CHD5: variants seen among roughly 807,000 people sequenced by gnomAD.
The protein encoded by CHD5 is ATP-dependent chromatin remodeler CHD5.
A neutral mutation model predicts 230.3 loss-of-function variants in CHD5; 69 were observed. That is an observed-to-expected ratio of 0.30 (90% CI 0.25 to 0.37). The LOEUF is 0.37. Ranked by LOEUF, CHD5 falls within the 10% of genes least tolerant of loss-of-function variation. The pLI, the probability that CHD5 is intolerant of heterozygous loss-of-function variation, is 1.00. For synonymous variants in CHD5, 1,064 were observed against 1,065.9 expected (o/e 1.00, Z 0.03); for missense variants, 1,827 against 2,622.8 (o/e 0.70, Z 6.63).
intron 40 of CHD5, 34 bp downstream of exon 40, chr1:6,106,361 G>C: frequency 6.2e-7 from 1 of 1,610,854 alleles, no homozygotes; most frequent in Non-Finnish European, 8.5e-7. Flanking sequence ...GCGGGCACCC[G>C]TGTGCATGCT....
rs1213748635 is a variant in CHD5, at chr1:6,130,709, C to T, written c.3263-381G>A. Among the ~76,000 whole-genome samples, 1 of 152,348 alleles carries T rather than the reference C, an allele frequency of 6.6e-6. No homozygotes were observed. Among genetic ancestry groups the T allele is most frequent in the African/African-American group, 2.4e-5 (1 of 41,584 alleles). On this transcript the variant is annotated intron_variant, in intron 21 of 41. Coordinates refer to ENST00000262450, the MANE Select transcript of CHD5 (RefSeq NM_015557.3). The surrounding 1 kb of genome is among the most constrained non-coding windows in gnomAD (Gnocchi z 4.9). ...CCACCCCTGGCTTCCCTTAGCCCAC[C>T]GATGCTGCCAGGGCAGCCCGGGAAA...
At chr1:6,173,001 G>A (rs1667362095) in intron 1 of CHD5, among the ~76,000 whole-genome samples, 1 of 152,080 alleles carries the variant, frequency 6.6e-6, no homozygotes, top group Non-Finnish European at 1.5e-5. Context: ...CCAGGAGCTG[G>A]GACGAGAACA....
intron 7 of CHD5, among the ~76,000 whole-genome samples, chr1:6,150,439 T>C (rs1557554834): frequency 7.5e-6 from 1 of 133,006 alleles, no homozygotes; most frequent in Non-Finnish European, 1.6e-5. Flanking sequence ...ATAGGATGGA[T>C]GGATGGATGG....
intron 38 of CHD5, 48 bp downstream of exon 38, chr1:6,109,747 C>A (rs1465424730): frequency 2.6e-6 from 4 of 1,529,730 alleles, no homozygotes; most frequent in Non-Finnish European, 3.6e-6. Context: ...GCTCGCTGGG[C>A]AGGAGGAAGG....
rs375548134 is a variant in CHD5, at chr1:6,128,659, G to A, written c.3620-50C>T. On this transcript the variant is annotated intron_variant, in intron 23 of 41. Transcript: ENST00000262450. This position sits in a 1 kb window ranked among gnomAD's most constrained non-coding sequence, Gnocchi z 7.8. ...TGGTGCAGGACCACAGAGGGCTGCA[G>A]GGTTGGCGGGCAGTGCCCAGAGACA... 1.1e-5 allele frequency: 17 copies of A among 1,492,270 alleles called. No homozygotes were observed. Among genetic ancestry groups the A allele is most frequent in the Non-Finnish European group, 5.6e-6 (6 of 1,074,012 alleles). 92.4% of individuals were successfully genotyped at this position (1,492,270 alleles called of 1,614,324 possible).
intron 15 of CHD5, among the ~76,000 whole-genome samples, chr1:6,140,229 GTC>G (rs573467116): frequency 2.7e-4 from 41 of 152,214 alleles, no homozygotes; most frequent in South Asian, 2.5e-3. Context: ...GTGAAACCCA[GTC>G]TCTGCTAAAC....
Position 6,112,293 on chromosome 1 carries a change from C to G in CHD5, c.5003-16G>C, listed in dbSNP as rs1236690099. 1.2e-6 allele frequency: 2 copies of G among 1,610,248 alleles called. No homozygotes were observed. Among genetic ancestry groups the G allele is most frequent in the African/African-American group, 1.3e-5 (1 of 74,938 alleles). Reference sequence around the variant, plus strand: ...TTGGTGTCATCTGCCGGGGACAGATCACATTCATTCATCCATCCATCCAAA... The same window carrying G: ...TTGGTGTCATCTGCCGGGGACAGATGACATTCATTCATCCATCCATCCAAA... On this transcript the variant is annotated splice_polypyrimidine_tract_variant and intron_variant, in intron 34 of 41. Transcript: ENST00000262450.
chr1:6,173,967 G>A (rs1428679405), intron 1 of CHD5, among the ~76,000 whole-genome samples: 1 of 152,204 alleles, frequency 6.6e-6, no homozygotes, highest in East Asian at 1.9e-4. Flanking sequence ...GAAAGCATCA[G>A]TCCTGAGTGG....
chr1:6,151,547 G>C (rs1005644322), intron 6 of CHD5, among the ~76,000 whole-genome samples: 4 of 152,240 alleles, frequency 2.6e-5, no homozygotes, highest in East Asian at 3.8e-4. Flanking sequence ...GGTCTGGCCT[G>C]TCCTGTCTGA....
In CHD5 at chr1:6,121,347, T is replaced by G; in HGVS notation, c.4780-110A>C. 6.6e-7 allele frequency: 1 copy of G among 1,518,152 alleles called. No homozygotes were observed. Among genetic ancestry groups the G allele is most frequent in the Non-Finnish European group, 9.0e-7 (1 of 1,113,292 alleles). The allele number at this position is 1,518,152 out of a possible 1,614,324, so 94.0% of individuals were successfully genotyped here. ...CAGTCTCCTGGCTCCCGTCGCTTGCTCCTAGCCTGCTCCCCGCCGATTCAG... is the reference window on the plus strand; with the variant it reads ...CAGTCTCCTGGCTCCCGTCGCTTGCGCCTAGCCTGCTCCCCGCCGATTCAG... On this transcript the variant is annotated intron_variant, in intron 32 of 41. Transcript: ENST00000262450. This position sits in a 1 kb window ranked among gnomAD's most constrained non-coding sequence, Gnocchi z 4.5.
At chr1:6,179,845 G>T in intron 1 of CHD5, 100 bp downstream of exon 1, 2 of 452,832 alleles carry the variant, frequency 4.4e-6, no homozygotes, top group Non-Finnish European at 5.7e-6. Context: ...CGAGGCGCCA[G>T]CCCGGCCGCG....
Position 6,146,535 on chromosome 1 carries a change from G to T in CHD5, c.1591-112C>A. 2 of 1,387,170 alleles carry T rather than the reference G, an allele frequency of 1.4e-6. No homozygotes were observed. Among genetic ancestry groups the T allele is most frequent in the Non-Finnish European group, 2.0e-6 (2 of 986,622 alleles). 85.9% of individuals were successfully genotyped at this position (1,387,170 alleles called of 1,614,324 possible). ...AGGTCCCAGGCAGGACAATCCTCCCGCTCAGCACCACCCCAACTCCCAACA... is the reference window on the plus strand; with the variant it reads ...AGGTCCCAGGCAGGACAATCCTCCCTCTCAGCACCACCCCAACTCCCAACA... On this transcript the variant is annotated intron_variant, in intron 10 of 41. Coordinates refer to ENST00000262450, the MANE Select transcript of CHD5 (RefSeq NM_015557.3). The surrounding 1 kb of genome is among the most constrained non-coding windows in gnomAD (Gnocchi z 5.1).
chr1:6,119,674 T>C (rs1666434754), intron 33 of CHD5, among the ~76,000 whole-genome samples: 1 of 151,872 alleles, frequency 6.6e-6, no homozygotes, highest in South Asian at 2.1e-4. Flanking sequence ...ATAATTAGCA[T>C]GCATTATCTA....
Position 6,105,208 on chromosome 1 carries a change from G to A in CHD5, c.*266C>T, listed in dbSNP as rs1571133132. 2 of 348,928 alleles carry A rather than the reference G, an allele frequency of 5.7e-6. No homozygotes were observed. The highest frequency in any genetic ancestry group is 8.2e-5 in the East Asian group (1 of 12,182). The allele number at this position is 348,928 out of a possible 1,614,324, so 21.6% of individuals were successfully genotyped here. A position where few individuals can be genotyped will look rare whatever the true frequency, so the allele number is the denominator to read the frequency against. Reference sequence around the variant, plus strand: ...GAAGTCGTCTGGAAAAGGTGGCGAGGGGGCACGTCCGGCGTGGTTGTGGGG... The same window carrying A: ...GAAGTCGTCTGGAAAAGGTGGCGAGAGGGCACGTCCGGCGTGGTTGTGGGG... On this transcript the variant is annotated 3_prime_UTR_variant, in exon 42 of 42. Coordinates refer to ENST00000262450, the MANE Select transcript of CHD5 (RefSeq NM_015557.3). The surrounding 1 kb of genome is among the most constrained non-coding windows in gnomAD (Gnocchi z 4.8).
intron 25 of CHD5, among the ~76,000 whole-genome samples, chr1:6,127,384 G>A (rs904644495): frequency 1.4e-4 from 21 of 152,180 alleles, no homozygotes; most frequent in Non-Finnish European, 2.6e-4. Context: ...CTACTTGGGA[G>A]CTGAGGCACG....
At position 6,154,690 on chromosome 1, in the gene CHD5, T is replaced by G. The variant is rs753681850; in HGVS notation, c.715A>C (p.Ile239Leu). The part of the protein sequence containing the change: ...SPPQVPQPVP[I>L]RKAKTKEGKG... ...CCCTCCTTGGTCTTGGCCTTGCGGA[T>G]AGGCACAGGCTGGGGCACCTGCGGG... The change falls in exon 5 of 42, where the codon ATC becomes CTC. Residue 239 changes from isoleucine to leucine, a missense_variant. Physicochemically the swap from Ile to Leu is conservative, Grantham distance 5 (BLOSUM62 2). This residue lies in a region of CHD5 where 657 missense variants were observed against 816.4 expected (regional missense o/e 0.80). Coordinates refer to ENST00000262450, the MANE Select transcript of CHD5 (RefSeq NM_015557.3). This position sits in a 1 kb window ranked among gnomAD's most constrained non-coding sequence, Gnocchi z 7.0. The G allele has an allele frequency of 3.1e-6, 5 of 1,588,532 alleles. No individual in the cohort carries two copies. Among genetic ancestry groups the G allele is most frequent in the Admixed American group, 1.7e-5 (1 of 57,474 alleles).
intron 38 of CHD5, among the ~76,000 whole-genome samples, chr1:6,107,666 G>T (rs1306195815): frequency 7.3e-6 from 1 of 137,386 alleles, no homozygotes; most frequent in Non-Finnish European, 1.5e-5. Context: ...GAAAAATGAA[G>T]GGATGATGGA....
At chr1:6,145,866 G>A (rs1196604192) in intron 11 of CHD5, among the ~76,000 whole-genome samples, 1 of 152,190 alleles carries the variant, frequency 6.6e-6, no homozygotes, top group Non-Finnish European at 1.5e-5. Context: ...CAAACGCGGG[G>A]GAAATGTGGA....
In CHD5 at chr1:6,148,910, G is replaced by C; in HGVS notation, c.1327C>G (p.Leu443Val). ...ACPSSYHLHC[L>V]NPPLPEIPNG... Reference sequence around the variant, plus strand: ...GGGATCTCGGGCAGCGGCGGGTTGAGGCAATGCAGGTGGTAGGAGGAGGGG... The same window carrying C: ...GGGATCTCGGGCAGCGGCGGGTTGACGCAATGCAGGTGGTAGGAGGAGGGG... Residue 443 changes from leucine to valine, a missense_variant, in exon 9 of 42, where the codon CTC becomes GTC. Leu to Val is a conservative substitution (Grantham distance 32, BLOSUM62 1). Around this residue, in one of 14 missense-constraint regions of CHD5, gnomAD observed 657 missense variants for 816.4 expected, o/e 0.80. Coordinates refer to ENST00000262450, the MANE Select transcript of CHD5 (RefSeq NM_015557.3). 6.3e-7 allele frequency: 1 copy of C among 1,591,908 alleles called. No individual in the cohort carries two copies. Among genetic ancestry groups the C allele is most frequent in the Non-Finnish European group, 8.6e-7 (1 of 1,168,330 alleles).
Sources: allele counts gnomAD v4.1 joint callset (sites outside exome capture counted in the v4.1 genomes callset), GRCh38; gene constraint gnomAD v4.1.1; regional missense constraint gnomAD v4.1.1; non-coding constraint Gnocchi (gnomAD v3.1); transcripts MANE v1.5; gene names NCBI Gene and HGNC (gene_info 2026-07-23, HGNC 2026-07-21).